BRINP1: variants seen among roughly 807,000 people sequenced by gnomAD.
The protein encoded by BRINP1 is BMP/retinoic acid inducible neural specific 1, also known as BMP/retinoic acid-inducible neural-specific protein 1.
BRINP1 carries 17 observed loss-of-function variants against 72.9 expected under a neutral mutation model. The ratio of observed to expected loss-of-function variants is 0.23; its 90% CI spans 0.16 to 0.35. The LOEUF is 0.35. Ranked by LOEUF, BRINP1 falls within the 10% of genes least tolerant of loss-of-function variation. The pLI is 1.00. For synonymous variants in BRINP1, 418 were observed against 378.5 expected (o/e 1.10, Z -1.21); for missense variants, 850 against 1,001.6 (o/e 0.85, Z 2.04).
At chr9:119,202,397 C>T (rs1829813957) in intron 7 of BRINP1, among the ~76,000 whole-genome samples, 2 of 152,162 alleles carry the variant, frequency 1.3e-5, no homozygotes, top group African/African-American at 4.8e-5. Flanking sequence ...CTTTCTACAG[C>T]ATTCAGAGTT....
chr9:119,170,293 G>A (rs1215370430), intron 7 of BRINP1, among the ~76,000 whole-genome samples: 4 of 151,938 alleles, frequency 2.6e-5, no homozygotes, highest in Non-Finnish European at 5.9e-5. Flanking sequence ...TAAAGGAGCT[G>A]ATGGAGCTGA....
intron 2 of BRINP1, among the ~76,000 whole-genome samples, chr9:119,252,291 T>C (rs1830397928): frequency 6.6e-6 from 1 of 152,132 alleles, no homozygotes; most frequent in East Asian, 1.9e-4. Context: ...TGCAGCCTGG[T>C]AACAAACCCA....
At chr9:119,339,969 C>G (rs911960011) in intron 1 of BRINP1, among the ~76,000 whole-genome samples, 15 of 152,106 alleles carry the variant, frequency 9.9e-5, no homozygotes, top group African/African-American at 2.7e-4. Context: ...CCAGCTGCTC[C>G]CACACTCATT....
Position 119,242,299 on chromosome 9 carries a change from A to T in BRINP1, c.410-83T>A, listed in dbSNP as rs1830260031. The T allele has an allele frequency of 2.6e-6, 3 of 1,175,136 alleles. No homozygotes were observed. The East Asian group carries it at 7.4e-5, about 29-fold the overall frequency. 72.8% of individuals were successfully genotyped at this position (1,175,136 alleles called of 1,614,324 possible). The stretch of plus-strand genomic sequence containing the variant: ...GGGATGGGACCTGGATGCTGAAAAC[A>T]GCCTTAAATCTCCAACCAATGTGGC... On this transcript the variant is annotated intron_variant, in intron 3 of 7. Coordinates refer to ENST00000265922, the MANE Select transcript of BRINP1 (RefSeq NM_014618.3).
At chr9:119,282,438 T>G (rs1042822582) in intron 2 of BRINP1, among the ~76,000 whole-genome samples, 1 of 152,196 alleles carries the variant, frequency 6.6e-6, no homozygotes, top group African/African-American at 2.4e-5. Flanking sequence ...AGTTGGCATC[T>G]GATCATTAAA....
chr9:119,209,853 C>T (rs1222448117), intron 6 of BRINP1, among the ~76,000 whole-genome samples: 1 of 152,192 alleles, frequency 6.6e-6, no homozygotes, highest in Admixed American at 6.5e-5. Flanking sequence ...AATGGATCAA[C>T]TTCCCCACCC....
chr9:119,289,616 T>C (rs1830802179), intron 2 of BRINP1, among the ~76,000 whole-genome samples: 1 of 152,328 alleles, frequency 6.6e-6, no homozygotes, highest in South Asian at 2.1e-4. Flanking sequence ...GATTCTTCTA[T>C]TAATCTGAGA....
intron 7 of BRINP1, among the ~76,000 whole-genome samples, chr9:119,171,690 C>G (rs1409864373): frequency 9.4e-6 from 1 of 106,134 alleles, no homozygotes; most frequent in Non-Finnish European, 1.9e-5. Context: ...TTTTTTTCAG[C>G]ACCACACCAC....
At chr9:119,198,317 G>T (rs1249133904) in intron 7 of BRINP1, among the ~76,000 whole-genome samples, 2 of 152,124 alleles carry the variant, frequency 1.3e-5, no homozygotes, top group Non-Finnish European at 2.9e-5. Context: ...TTGCCATTTT[G>T]CTATGTGTTA....
In BRINP1 at chr9:119,238,707, G is replaced by A. The variant is rs1446653661; in HGVS notation, c.633C>T (p.Asp211=). Residue 211 remains aspartate, a synonymous_variant, in exon 5 of 8, where the codon GAC becomes GAT. Transcript: ENST00000265922. ...PLGCNSYDNL[D]SVSSVLLQST... Reference sequence around the variant, plus strand: ...TTTGCAGAAGGACGGAACTCACAGAGTCCAGATTGTCATAGCTGTTACAGC... The same window carrying A: ...TTTGCAGAAGGACGGAACTCACAGAATCCAGATTGTCATAGCTGTTACAGC... 1 of 1,612,650 alleles carries A rather than the reference G, an allele frequency of 6.2e-7. No homozygotes were observed. The highest frequency in any genetic ancestry group is 1.7e-5 in the Admixed American group (1 of 59,606).
At chr9:119,231,322 G>T (rs1830147367) in intron 5 of BRINP1, among the ~76,000 whole-genome samples, 2 of 151,928 alleles carry the variant, frequency 1.3e-5, no homozygotes, top group Admixed American at 6.6e-5. Context: ...AATAATTCCA[G>T]TTATGCACAA....
chr9:119,185,699 C>T (rs551097730), intron 7 of BRINP1, among the ~76,000 whole-genome samples: 39 of 152,282 alleles, frequency 2.6e-4, no homozygotes, highest in Middle Eastern at 3.4e-3. Flanking sequence ...CTCCTCTCCC[C>T]GGTCAGGATT....
At chr9:119,220,305 T>C (rs968148947) in intron 5 of BRINP1, among the ~76,000 whole-genome samples, 3 of 152,042 alleles carry the variant, frequency 2.0e-5, no homozygotes, top group Non-Finnish European at 4.4e-5. Context: ...TTCAACAACA[T>C]TGATGATATT....
At chr9:119,168,501 C>G (rs1829348668) in intron 7 of BRINP1, among the ~76,000 whole-genome samples, 1 of 140,354 alleles carries the variant, frequency 7.1e-6, no homozygotes, top group African/African-American at 2.5e-5. Flanking sequence ...TCCTTGGGGT[C>G]CTTCCAGCTC....
intron 1 of BRINP1, among the ~76,000 whole-genome samples, chr9:119,355,613 C>T (rs941732542): frequency 1.3e-5 from 2 of 151,732 alleles, no homozygotes; most frequent in East Asian, 3.9e-4. Context: ...CCTGTAGTCC[C>T]AGCTACTCGG....
rs555910059 is a variant in BRINP1 at position 119,178,155 on chromosome 9, T to G, written c.1146-9931A>C. Among the ~76,000 whole-genome samples, 8 of 152,066 alleles carry G rather than the reference T, an allele frequency of 5.3e-5. No individual in the cohort carries two copies. The South Asian group carries it at 1.5e-3, about 28-fold the overall frequency. ...AGTGGGTAGGATAGAGACAAAGAGA[T>G]GCAGCCAAGGCATCATCTGTGTTAA... is the stretch of plus-strand genomic sequence containing the variant. On this transcript the variant is annotated intron_variant, in intron 7 of 7. Coordinates refer to ENST00000265922, the MANE Select transcript of BRINP1 (RefSeq NM_014618.3).
chr9:119,237,102 C>T (rs2118905988), intron 5 of BRINP1, among the ~76,000 whole-genome samples: 1 of 152,248 alleles, frequency 6.6e-6, no homozygotes, highest in South Asian at 2.1e-4. Flanking sequence ...TTAGCTTTAC[C>T]TGCCAATCTC....
At chr9:119,211,563 T>C (rs1221917846) in intron 6 of BRINP1, among the ~76,000 whole-genome samples, 2 of 152,194 alleles carry the variant, frequency 1.3e-5, no homozygotes, top group Non-Finnish European at 2.9e-5. Flanking sequence ...GACTGCCATT[T>C]ATGTATAGAA....
chr9:119,202,612 G>A (rs1829816961), intron 7 of BRINP1, among the ~76,000 whole-genome samples: 1 of 152,158 alleles, frequency 6.6e-6, no homozygotes, highest in Non-Finnish European at 1.5e-5. Flanking sequence ...ACAAGCCACA[G>A]GAATCTTACT....
Sources: gnomAD v4.1 joint callset for allele counts (sites outside exome capture counted in the v4.1 genomes callset) on GRCh38, gnomAD v4.1.1 for gene constraint, MANE v1.5 for transcripts, NCBI Gene and HGNC (gene_info 2026-07-23, HGNC 2026-07-21) for gene names.